The following GSE1 variants were observed in gnomAD, a reference collection of about 807,000 sequenced individuals.
GSE1 encodes Gse1 coiled-coil protein.
Under a neutral mutation model 112.6 loss-of-function variants are expected in GSE1, and 32 were observed. The observed-to-expected ratio is 0.28, with a 90% CI of 0.21 to 0.38. GSE1 has a LOEUF of 0.38. Ranked by LOEUF, GSE1 falls within the 10% of genes least tolerant of loss-of-function variation. The pLI is 1.00. For missense variants in GSE1, 2,348 were observed against 1,699.2 expected, an observed-to-expected ratio of 1.38 and a Z score of -6.71; for synonymous variants, 1,115 against 735.6, an observed-to-expected ratio of 1.52 and a Z score of -8.35.
At chr16:85,363,392 C>A (rs1356376335) in intron 2 of GSE1, among the ~76,000 whole-genome samples, 1 of 152,232 alleles carries the variant, frequency 6.6e-6, no homozygotes, top group African/African-American at 2.4e-5. Context: ...ATCCCTTGTT[C>A]TCAGCAGTGC....
upstream of GSE1, among the ~76,000 whole-genome samples, chr16:85,607,373 T>C (rs980897855): frequency 6.6e-5 from 10 of 152,324 alleles, no homozygotes; most frequent in Non-Finnish European, 1.5e-4. Context: ...CCGCCCGCTT[T>C]CCAGCCGCGG....
chr16:85,654,343 G>T lies in GSE1; in HGVS notation c.492G>T (p.Gln164His). ...ERLIVEPPLP[Q>H]EKAGGPAIPS... is the part of the protein sequence containing the mutation. ...TCATTGTGGAGCCCCCGCTCCCTCA[G>T]GAGAAGGCAGGGGGACCAGCCATCC... Residue 164 changes from glutamine (Q) to histidine (H), a missense_variant, in exon 4 of 16, where the codon CAG becomes CAT. Coordinates refer to ENST00000253458, the MANE Select transcript of GSE1 (RefSeq NM_014615.5). 6.2e-7 allele frequency: 1 copy of T among 1,612,230 alleles called. No individual in the cohort carries two copies. Among genetic ancestry groups the T allele is most frequent in the Non-Finnish European group, 8.5e-7 (1 of 1,179,712 alleles).
At chr16:85,238,428 G>C (rs1904886865) in intron 1 of GSE1, among the ~76,000 whole-genome samples, 1 of 152,220 alleles carries the variant, frequency 6.6e-6, no homozygotes, top group South Asian at 2.1e-4. Context: ...GTGGGGGCTG[G>C]TGCTGCAGTT....
chr16:85,420,852 G>A (rs1471658722), intron 2 of GSE1, among the ~76,000 whole-genome samples: 6 of 152,146 alleles, frequency 3.9e-5, no homozygotes, highest in Admixed American at 3.9e-4. Flanking sequence ...GAGCTGCAGT[G>A]CCGCGGGCCT....
chr16:85,377,715 C>G (rs987748085), intron 2 of GSE1, among the ~76,000 whole-genome samples: 3 of 152,192 alleles, frequency 2.0e-5, no homozygotes, highest in African/African-American at 7.2e-5. Flanking sequence ...CTGTTGTTCC[C>G]GGGAGTGGCC....
chr16:85,340,279 G>A (rs1009863409), intron 1 of GSE1, among the ~76,000 whole-genome samples: 2 of 152,208 alleles, frequency 1.3e-5, no homozygotes, highest in Admixed American at 1.3e-4. Context: ...GAGCCCACCA[G>A]TTCGAGGCTG....
At chr16:85,546,245 C>T (rs2151220844) in intron 2 of GSE1, among the ~76,000 whole-genome samples, 1 of 152,216 alleles carries the variant, frequency 6.6e-6, no homozygotes, top group Middle Eastern at 3.4e-3. Context: ...CCACTGTGCC[C>T]AGCTAATTTT....
chr16:85,409,347 TG>T (rs1434285344), intron 2 of GSE1, among the ~76,000 whole-genome samples: 2 of 26,462 alleles, frequency 7.6e-5, no homozygotes, highest in Non-Finnish European at 1.4e-4. Context: ...AGGGCCCCCC[TG>T]GATAATCCTC....
At chr16:85,274,817 C>G in intron 1 of GSE1, among the ~76,000 whole-genome samples, 1 of 152,198 alleles carries the variant, frequency 6.6e-6, no homozygotes, top group Non-Finnish European at 1.5e-5. Flanking sequence ...AGAAAGCTCA[C>G]ACTGGCACCT....
chr16:85,240,675 C>T (rs1021680586), intron 1 of GSE1, among the ~76,000 whole-genome samples: 4 of 152,146 alleles, frequency 2.6e-5, no homozygotes, highest in African/African-American at 4.8e-5. Context: ...GTGCGCCCTG[C>T]GAGGTTCCTC....
intron 2 of GSE1, among the ~76,000 whole-genome samples, chr16:85,413,440 C>A (rs1027942508): frequency 6.6e-6 from 1 of 152,020 alleles, no homozygotes; most frequent in Admixed American, 6.6e-5. Context: ...GGCCTGCTCT[C>A]CCGGGTGACC....
intron 1 of GSE1, among the ~76,000 whole-genome samples, chr16:85,238,725 A>G (rs912267510): frequency 2.0e-5 from 3 of 152,032 alleles, no homozygotes; most frequent in Admixed American, 1.3e-4. Flanking sequence ...AGGGTGGGGG[A>G]CCATCAGTCA....
chr16:85,435,945 A>G (rs1356066568), intron 2 of GSE1, among the ~76,000 whole-genome samples: 1 of 152,124 alleles, frequency 6.6e-6, no homozygotes, highest in Non-Finnish European at 1.5e-5. Flanking sequence ...AGCCCCATGT[A>G]GTCACCCCAG....
chr16:85,287,783 C>T (rs1161148788), intron 1 of GSE1, among the ~76,000 whole-genome samples: 2 of 152,116 alleles, frequency 1.3e-5, no homozygotes, highest in East Asian at 3.9e-4. Flanking sequence ...TGACCTTGTA[C>T]CTCTTGTCTC....
chr16:85,588,292 A>AG (rs1036148136), intron 1 of GSE1, among the ~76,000 whole-genome samples: 3 of 152,146 alleles, frequency 2.0e-5, no homozygotes, highest in African/African-American at 7.2e-5. Context: ...GCCGCTCTTG[A>AG]GGGGGTCCCT....
chr16:85,652,365 T>C (rs1311611095), intron 3 of GSE1, among the ~76,000 whole-genome samples: 1 of 152,148 alleles, frequency 6.6e-6, no homozygotes, highest in African/African-American at 2.4e-5. Context: ...CGCTGGCTCC[T>C]CAATAGGAAG....
At chr16:85,521,038 A>G (rs1450187488) in intron 2 of GSE1, among the ~76,000 whole-genome samples, 1 of 152,090 alleles carries the variant, frequency 6.6e-6, no homozygotes, top group African/African-American at 2.4e-5. Flanking sequence ...TGGGAGCCCA[A>G]CGAGCCGGTT....
At chr16:85,439,964 A>G (rs12598084) in intron 2 of GSE1, among the ~76,000 whole-genome samples, 28,885 of 152,226 alleles carry the variant, frequency 0.19, 2,896 homozygotes, top group South Asian at 0.29. Flanking sequence ...ACAGACACAC[A>G]TTATTACATA....
At position 85,598,191 on chromosome 16, in the gene GSE1, T is replaced by C. The variant is rs986209881; in HGVS notation, c.37+41828T>C. The stretch of plus-strand genomic sequence containing the variant: ...TGTTTTTTTTTTTTTTTTTTTTTTT[T>C]CACTTTCTCATCTCTCAGCAGAGTA... On this transcript the variant is annotated intron_variant, in intron 1 of 2. Coordinates refer to the GSE1 transcript ENST00000635906. 2.4e-3 allele frequency among the ~76,000 whole-genome samples: 340 copies of C among 140,968 alleles called. 1 individual carries two copies. The highest frequency in any genetic ancestry group is 9.3e-3 in the African/African-American group (318 of 34,066). The allele number at this position is 140,968 out of a possible 152,430, so 92.5% of individuals were successfully genotyped here. A position where few individuals can be genotyped will look rare whatever the true frequency, so the allele number is the denominator to read the frequency against.
Sources: gnomAD v4.1 joint callset for allele counts (sites outside exome capture counted in the v4.1 genomes callset) on GRCh38, gnomAD v4.1.1 for gene constraint, MANE v1.5 for transcripts, NCBI Gene and HGNC (gene_info 2026-07-23, HGNC 2026-07-21) for gene names.